Variants in PRKG1 observed in about 807,000 individuals in gnomAD.
The protein encoded by PRKG1 is protein kinase cGMP-dependent 1.
PRKG1 carries 35 observed loss-of-function variants against 88.1 expected under a neutral mutation model. That is an observed-to-expected ratio of 0.40 (90% CI 0.30 to 0.53). PRKG1 has a LOEUF of 0.53. PRKG1 is among the 20% of genes least tolerant of loss of function. The pLI, the probability that PRKG1 is intolerant of heterozygous loss-of-function variation, is 0.59. For missense variants in PRKG1, 540 were observed against 839.8 expected (o/e 0.64, Z 4.41); for synonymous variants, 303 against 292.5 (o/e 1.04, Z -0.37).
At chr10:52,223,028 C>G (rs915759354) in intron 9 of PRKG1, among the ~76,000 whole-genome samples, 1 of 152,162 alleles carries the variant, frequency 6.6e-6, no homozygotes, top group African/African-American at 2.4e-5. Context: ...TATCCCCTTT[C>G]TCTTACTTCA....
In PRKG1 at chr10:51,403,970, A is replaced by G. The variant is rs1036081664; in HGVS notation, c.479-63753A>G. Among the ~76,000 whole-genome samples the G allele has an allele frequency of 1.3e-3, 198 of 152,198 alleles. 3 individuals are homozygous for G. The highest frequency in any genetic ancestry group is 3.8e-4 in the Non-Finnish European group (26 of 68,020). ...ATTTGGATTCTTATCCCCTGTTAAC[A>G]CTACTCCCTTTTTAAAGCTATGAAT... On this transcript the variant is annotated intron_variant, in intron 2 of 17. Transcript: ENST00000373980.
At chr10:52,041,319 A>G (rs1337549325) in intron 5 of PRKG1, among the ~76,000 whole-genome samples, 1 of 152,202 alleles carries the variant, frequency 6.6e-6, no homozygotes, top group Admixed American at 6.5e-5. Flanking sequence ...CATCCTTTGG[A>G]TGAATCCCAC....
At chr10:51,074,090 C>T (rs1249641446), upstream of PRKG1, among the ~76,000 whole-genome samples, 7 of 147,040 alleles carry the variant, frequency 4.8e-5, no homozygotes, top group Non-Finnish European at 9.0e-5. Flanking sequence ...TCCCTCCCAC[C>T]TCCCCACCCC....
chr10:51,530,686 C>T (rs989844708), intron 3 of PRKG1, among the ~76,000 whole-genome samples: 2 of 152,156 alleles, frequency 1.3e-5, no homozygotes, highest in Non-Finnish European at 2.9e-5. Context: ...TGCCTTAATG[C>T]ATCACACAAA....
At chr10:51,118,835 G>T (rs975772427) in intron 1 of PRKG1, among the ~76,000 whole-genome samples, 2 of 152,118 alleles carry the variant, frequency 1.3e-5, no homozygotes, top group Admixed American at 6.5e-5. Flanking sequence ...AGGAGTTAAA[G>T]AATTCTTGCT....
chr10:52,001,440 C>T (rs1844595408), intron 5 of PRKG1, among the ~76,000 whole-genome samples: 1 of 151,602 alleles, frequency 6.6e-6, no homozygotes, highest in South Asian at 2.1e-4. Flanking sequence ...AATGTATATA[C>T]CTACATCCAA....
intron 3 of PRKG1, among the ~76,000 whole-genome samples, chr10:51,533,419 G>C (rs1228680172): frequency 6.6e-6 from 1 of 152,096 alleles, no homozygotes; most frequent in Non-Finnish European, 1.5e-5. Flanking sequence ...GGTAGTACTG[G>C]AACTAAGTCC....
intron 4 of PRKG1, among the ~76,000 whole-genome samples, chr10:51,905,187 T>G (rs183909562): frequency 6.6e-6 from 1 of 152,168 alleles, no homozygotes; most frequent in African/African-American, 2.4e-5. Flanking sequence ...TTATGTGATA[T>G]GGTCCATCCA....
intron 1 of PRKG1, among the ~76,000 whole-genome samples, chr10:51,125,369 TA>T (rs1845369467): frequency 6.6e-6 from 1 of 150,638 alleles, no homozygotes; most frequent in Admixed American, 6.6e-5. Context: ...TTTAAAAAAT[TA>T]TAAAGTATAA....
In PRKG1 at chr10:51,288,045, C is replaced by T. The variant is rs190412829; in HGVS notation, c.478+134715C>T. 1.8e-3 allele frequency among the ~76,000 whole-genome samples: 272 copies of T among 152,114 alleles called. 2 individuals carry two copies. In the Middle Eastern group the frequency reaches 0.02, roughly 11 times the overall value. On this transcript the variant is annotated intron_variant, in intron 2 of 17. Coordinates refer to ENST00000373980, the MANE Select transcript of PRKG1 (RefSeq NM_006258.4). ...CATGTGTTGATTTGTTATTCTTCAT[C>T]TGTTCTTTTTTATTTCAATCATAAT...
At chr10:51,988,848 A>G (rs1208889374) in intron 5 of PRKG1, among the ~76,000 whole-genome samples, 2 of 152,008 alleles carry the variant, frequency 1.3e-5, no homozygotes, top group Non-Finnish European at 2.9e-5. Flanking sequence ...CTTTCTATAG[A>G]AGTTTTTAAA....
chr10:51,704,962 CT>C (rs1472772201), intron 3 of PRKG1, among the ~76,000 whole-genome samples: 1 of 152,114 alleles, frequency 6.6e-6, no homozygotes, highest in Non-Finnish European at 1.5e-5. Flanking sequence ...TACCTTATAA[CT>C]TTTAATCTAA....
intron 4 of PRKG1, among the ~76,000 whole-genome samples, chr10:51,848,852 T>TGG (rs1554848261): frequency 2.6e-4 from 24 of 92,014 alleles, no homozygotes; most frequent in African/African-American, 2.4e-3. Flanking sequence ...TGCGTTTCTA[T>TGG]TTTTTTTTTT....
At chr10:51,136,377 G>C (rs935091504) in intron 1 of PRKG1, among the ~76,000 whole-genome samples, 2 of 151,752 alleles carry the variant, frequency 1.3e-5, no homozygotes, top group African/African-American at 2.4e-5. Context: ...AAAAAGCTAG[G>C]GTGTGAGATA....
chr10:51,670,146 G>A (rs1000449370), intron 3 of PRKG1, among the ~76,000 whole-genome samples: 3 of 151,702 alleles, frequency 2.0e-5, no homozygotes, highest in Non-Finnish European at 4.4e-5. Context: ...ATTTTTGTTT[G>A]TTTGTTTCCA....
At chr10:51,678,772 G>GATCATGAGCTCAAGAAAAGGCA (rs1380558993) in intron 3 of PRKG1, among the ~76,000 whole-genome samples, 33 of 152,276 alleles carry the variant, frequency 2.2e-4, no homozygotes, top group African/African-American at 6.0e-4. Flanking sequence ...CATGATCCCT[G>GATCATGAGCTCAAGAAAAGGCA]GAGCTCAAGA....
At chr10:51,218,287 T>G (rs2132085361) in intron 2 of PRKG1, among the ~76,000 whole-genome samples, 1 of 151,890 alleles carries the variant, frequency 6.6e-6, no homozygotes, top group African/African-American at 2.4e-5. Flanking sequence ...CAGATATTTG[T>G]TTTGGTGAAG....
intron 7 of PRKG1, among the ~76,000 whole-genome samples, chr10:52,095,638 A>G (rs1847155466): frequency 6.6e-6 from 1 of 152,172 alleles, no homozygotes; most frequent in Non-Finnish European, 1.5e-5. Context: ...AAGTGAATTT[A>G]TGTATTTAAT....
chr10:51,103,365 G>A (rs985107442), intron 1 of PRKG1, among the ~76,000 whole-genome samples: 5 of 152,130 alleles, frequency 3.3e-5, no homozygotes, highest in Non-Finnish European at 4.4e-5. Flanking sequence ...GCTTCAAGGG[G>A]AAATATATTT....
Sources: gnomAD v4.1 joint callset for allele counts (sites outside exome capture counted in the v4.1 genomes callset) on GRCh38, gnomAD v4.1.1 for gene constraint, MANE v1.5 for transcripts, NCBI Gene and HGNC (gene_info 2026-07-23, HGNC 2026-07-21) for gene names.